The following SMOC2 variants were observed in gnomAD, a reference collection of about 807,000 sequenced individuals.
The protein encoded by SMOC2 is SPARC related modular calcium binding 2.
Under a neutral mutation model 61.4 loss-of-function variants are expected in SMOC2, and 39 were observed. That is an observed-to-expected ratio of 0.64 (90% confidence interval 0.49 to 0.83). The LOEUF (loss-of-function observed/expected upper bound fraction) is 0.83, where lower values mean the gene tolerates loss of function less well. Among genes scored for constraint, SMOC2 ranks in the 40% least tolerant of loss-of-function variants. The pLI is 0.00. For missense variants in SMOC2, 556 were observed against 592.9 expected (o/e 0.94, Z 0.65); for synonymous variants, 247 against 239.9 (o/e 1.03, Z -0.27).
intron 1 of SMOC2, among the ~76,000 whole-genome samples, chr6:168,477,686 G>T (rs1338616133): frequency 6.6e-6 from 1 of 152,102 alleles, no homozygotes; most frequent in Non-Finnish European, 1.5e-5. Flanking sequence ...ACACCTTGGT[G>T]TGTGTGTGTT....
intron 1 of SMOC2, among the ~76,000 whole-genome samples, chr6:168,505,040 A>G (rs78803219): frequency 0.017 from 2,409 of 144,194 alleles, 136 homozygotes; most frequent in East Asian, 0.13. Context: ...TCTCTCAGAT[A>G]CCGGATGAAT....
chr6:168,544,622 G>A lies in SMOC2; in HGVS notation c.511+950G>A, dbSNP rs780561333. ...CAGGAGATGGAGGTTGCAGTGAGCC[G>A]AGATCACGCCACTGCACTCCAGCCT... On this transcript the variant is annotated intron_variant, in intron 5 of 12. Transcript: ENST00000356284. This position sits in a 1 kb window ranked among gnomAD's most constrained non-coding sequence, Gnocchi z 4.1. Among the ~76,000 whole-genome samples, 29 of 152,110 alleles carry A rather than the reference G, an allele frequency of 1.9e-4. No individual in the cohort carries two copies. Among genetic ancestry groups the A allele is most frequent in the Admixed American group, 5.2e-4 (8 of 15,278 alleles).
chr6:168,565,479 A>G (rs1008222671), intron 7 of SMOC2, among the ~76,000 whole-genome samples: 15 of 152,196 alleles, frequency 9.9e-5, no homozygotes, highest in African/African-American at 3.6e-4. Context: ...CTGCATGGAC[A>G]TCAATTATAC....
rs1781392472 is a variant in SMOC2 at position 168,448,698 on chromosome 6, CT to C, written c.84+7248del. Among the ~76,000 whole-genome samples, 4 of 152,232 alleles carry C rather than the reference CT, an allele frequency of 2.6e-5. No individual in the cohort carries two copies. The South Asian group carries it at 8.3e-4, about 32-fold the overall frequency. On this transcript the variant is annotated intron_variant, in intron 1 of 12. Coordinates refer to ENST00000356284, the MANE Select transcript of SMOC2 (RefSeq NM_001166412.2). ...CTGAGGCAATGAGGCTTATGCACAT[CT>C]TTTGCTAAACTCCCTCTTCCTACCA...
intron 1 of SMOC2, among the ~76,000 whole-genome samples, chr6:168,492,765 G>A (rs1329562717): frequency 2.0e-5 from 3 of 152,186 alleles, no homozygotes; most frequent in Non-Finnish European, 4.4e-5. Context: ...CTGTCCTGAC[G>A]CTCTCCCACC....
At chr6:168,498,715 C>T (rs928153250) in intron 1 of SMOC2, among the ~76,000 whole-genome samples, 1 of 150,288 alleles carries the variant, frequency 6.7e-6, no homozygotes, top group Non-Finnish European at 1.5e-5. Context: ...CCCTACGAGT[C>T]AGAGTCTCTG....
chr6:168,651,854 A>G (rs968298630), intron 10 of SMOC2, among the ~76,000 whole-genome samples: 2 of 152,174 alleles, frequency 1.3e-5, no homozygotes, highest in Non-Finnish European at 2.9e-5. Flanking sequence ...CAGCCTGGCC[A>G]ACGTGGTGAA....
chr6:168,498,922 A>G (rs1782659611), intron 1 of SMOC2, among the ~76,000 whole-genome samples: 1 of 140,496 alleles, frequency 7.1e-6, no homozygotes, highest in African/African-American at 2.7e-5. Context: ...TTTACTACAC[A>G]TGGAAACCCT....
At chr6:168,642,680 G>T (rs1236823158) in intron 9 of SMOC2, among the ~76,000 whole-genome samples, 1 of 152,186 alleles carries the variant, frequency 6.6e-6, no homozygotes, top group Non-Finnish European at 1.5e-5. Flanking sequence ...CGCTGACCAG[G>T]TCTCAGTTTG....
intron 1 of SMOC2, among the ~76,000 whole-genome samples, chr6:168,441,672 C>G (rs1781213189): frequency 6.6e-6 from 1 of 152,112 alleles, no homozygotes; most frequent in Admixed American, 6.5e-5. Context: ...GGGGACCCTG[C>G]CCGCCGGGGT....
chr6:168,578,636 C>T (rs1784858588), intron 7 of SMOC2, among the ~76,000 whole-genome samples: 1 of 152,078 alleles, frequency 6.6e-6, no homozygotes, highest in African/African-American at 2.4e-5. Flanking sequence ...TGGGGTTTTC[C>T]GAGAAGAGAG....
chr6:168,625,570 T>C (rs74782814), intron 9 of SMOC2, among the ~76,000 whole-genome samples: 1 of 152,342 alleles, frequency 6.6e-6, no homozygotes, highest in African/African-American at 2.4e-5. Context: ...CTAAATAGCA[T>C]AGGCTCAAAT....
At position 168,535,950 on chromosome 6, in the gene SMOC2, C is replaced by T. The variant is rs1783721637; in HGVS notation, c.464-7675C>T. Among the ~76,000 whole-genome samples, 1 of 152,232 alleles carries T rather than the reference C, an allele frequency of 6.6e-6. No individual in the cohort carries two copies. The highest frequency in any genetic ancestry group is 2.4e-5 in the African/African-American group (1 of 41,456). On this transcript the variant is annotated intron_variant, in intron 4 of 12. Coordinates refer to ENST00000356284, the MANE Select transcript of SMOC2 (RefSeq NM_001166412.2). This position sits in a 1 kb window ranked among gnomAD's most constrained non-coding sequence, Gnocchi z 4.6. ...TGGGGACACGTGAGGAATAACGCAG[C>T]AGCCATGCAGCTTCACGGCACAGGG...
chr6:168,599,644 ACACACTCATACC>A (rs1455959891), intron 8 of SMOC2, among the ~76,000 whole-genome samples: 1 of 70,826 alleles, frequency 1.4e-5, no homozygotes, highest in Non-Finnish European at 2.8e-5. Context: ...CCACACCCAC[ACACACTCATACC>A]CACACTCACA....
intron 7 of SMOC2, among the ~76,000 whole-genome samples, chr6:168,584,015 A>C (rs959748124): frequency 3.2e-4 from 49 of 152,182 alleles, no homozygotes; most frequent in Non-Finnish European, 2.6e-4. Flanking sequence ...AGGCCATCGG[A>C]GGTAAACAAA....
intron 2 of SMOC2, among the ~76,000 whole-genome samples, chr6:168,526,028 G>T (rs1182167886): frequency 6.6e-6 from 1 of 152,198 alleles, no homozygotes; most frequent in Admixed American, 6.5e-5. Flanking sequence ...CAGGAAGCAG[G>T]GGCCACCTGT....
At chr6:168,638,689 C>T (rs966708339) in intron 9 of SMOC2, among the ~76,000 whole-genome samples, 4 of 152,098 alleles carry the variant, frequency 2.6e-5, no homozygotes, top group Admixed American at 1.3e-4. Flanking sequence ...GAAAAGACTG[C>T]GAAGGTGCCC....
At chr6:168,552,923 T>C (rs1784162990) in intron 7 of SMOC2, among the ~76,000 whole-genome samples, 1 of 149,596 alleles carries the variant, frequency 6.7e-6, no homozygotes, top group African/African-American at 2.5e-5. Flanking sequence ...AGGAGGTGAG[T>C]GACGGCACTT....
chr6:168,479,172 G>A (rs1446929076), intron 1 of SMOC2, among the ~76,000 whole-genome samples: 2 of 151,910 alleles, frequency 1.3e-5, no homozygotes, highest in Non-Finnish European at 2.9e-5. Context: ...TCGGGAAAAG[G>A]AGTCAGTAAC....
Sources: gnomAD v4.1 joint callset for allele counts (sites outside exome capture counted in the v4.1 genomes callset) on GRCh38, gnomAD v4.1.1 for gene constraint, Gnocchi (gnomAD v3.1) non-coding constraint, MANE v1.5 for transcripts, NCBI Gene and HGNC (gene_info 2026-07-23, HGNC 2026-07-21) for gene names.